LAMA4: variants seen among roughly 807,000 people sequenced by gnomAD.
LAMA4 encodes laminin subunit alpha 4, also known as laminin subunit alpha-4.
LAMA4 carries 127 observed loss-of-function variants against 207.1 expected under a neutral mutation model. The observed-to-expected ratio is 0.61, with a 90% CI of 0.53 to 0.71. The LOEUF (loss-of-function observed/expected upper bound fraction) is 0.71, where lower values mean the gene tolerates loss of function less well. Among genes scored for constraint, LAMA4 ranks in the 30% least tolerant of loss-of-function variants. The pLI is 0.00. For synonymous variants in LAMA4, 761 were observed against 816.0 expected (o/e 0.93, Z 1.15); for missense variants, 2,093 against 2,246.5 (o/e 0.93, Z 1.38).
At position 112,139,315 on chromosome 6, in the gene LAMA4, T is replaced by C. The variant is rs782625004; in HGVS notation, c.3111-24A>G. On this transcript the variant is annotated intron_variant, in intron 23 of 38. Coordinates refer to ENST00000230538, the MANE Select transcript of LAMA4 (RefSeq NM_001105206.3). ...CTCTGAAATGGAAACACAACGGTCA[T>C]TTGAACACTACAGTTTCTGTTATGC... is the stretch of plus-strand genomic sequence containing the variant. 18 of 1,613,326 alleles carry C rather than the reference T, an allele frequency of 1.1e-5. No individual in the cohort carries two copies. In the East Asian group the frequency reaches 3.8e-4, roughly 34 times the overall value.
intron 18 of LAMA4, among the ~76,000 whole-genome samples, 184 bp downstream of exon 18, chr6:112,147,973 T>C (rs912800262): frequency 6.6e-6 from 1 of 152,246 alleles, no homozygotes; most frequent in Non-Finnish European, 1.5e-5. Context: ...TTCTCATATG[T>C]ATTTAGACAG....
At position 112,144,892 on chromosome 6, in the gene LAMA4, G is replaced by A; in HGVS notation, c.2395C>T (p.Leu799Phe). The change falls in exon 19 of 39, where the codon CTT becomes TTT. Residue 799 changes from leucine to phenylalanine, a missense_variant. Coordinates refer to ENST00000230538, the MANE Select transcript of LAMA4 (RefSeq NM_001105206.3). ...GGTCGCTTCTGCTCAACCGTACGAAGCTGATCCAGGAGCTGAGGGACAACC... is the reference window on the plus strand; with the variant it reads ...GGTCGCTTCTGCTCAACCGTACGAAACTGATCCAGGAGCTGAGGGACAACC... ...TEVVPQLLDQ[L>F]RTVEQKRPAS... The A allele has an allele frequency of 6.2e-7, 1 of 1,613,984 alleles. No individual in the cohort carries two copies. Among genetic ancestry groups the A allele is most frequent in the Non-Finnish European group, 8.5e-7 (1 of 1,179,994 alleles).
intron 5 of LAMA4, among the ~76,000 whole-genome samples, chr6:112,193,068 T>C (rs1408576225): frequency 2.0e-5 from 3 of 152,160 alleles, no homozygotes; most frequent in Admixed American, 6.5e-5. Flanking sequence ...TCTAAACTAG[T>C]GTGGAAGATG....
intron 33 of LAMA4, 57 bp downstream of exon 33, chr6:112,120,226 G>T: frequency 7.4e-7 from 1 of 1,356,640 alleles, no homozygotes; most frequent in Non-Finnish European, 1.0e-6. Flanking sequence ...GCCCATTAGT[G>T]TCCATTTGAC....
intron 2 of LAMA4, chr6:112,253,622 A>G: frequency 1.0e-6 from 1 of 955,936 alleles, no homozygotes. Context: ...GTGGCTTGAC[A>G]AAATGACTAC....
intron 18 of LAMA4, among the ~76,000 whole-genome samples, chr6:112,146,923 T>C (rs959603174): frequency 6.6e-6 from 1 of 152,230 alleles, no homozygotes. Context: ...ATGTTAGATA[T>C]TGATTATGGA....
At chr6:112,167,190 T>C (rs1446552584) in intron 12 of LAMA4, among the ~76,000 whole-genome samples, 1 of 152,238 alleles carries the variant, frequency 6.6e-6, no homozygotes, top group Non-Finnish European at 1.5e-5. Flanking sequence ...AATTTGGGGA[T>C]TATTCTTTTC....
intron 12 of LAMA4, among the ~76,000 whole-genome samples, chr6:112,165,514 A>C (rs918423965): frequency 6.6e-6 from 1 of 152,242 alleles, no homozygotes; most frequent in Non-Finnish European, 1.5e-5. Flanking sequence ...GAGGATTATT[A>C]TAACACCGTC....
At chr6:112,142,819 C>T (rs1779784109) in intron 19 of LAMA4, among the ~76,000 whole-genome samples, 1 of 152,210 alleles carries the variant, frequency 6.6e-6, no homozygotes, top group African/African-American at 2.4e-5. Context: ...GGCTCTACCA[C>T]TTCCTAACTA....
In LAMA4 at chr6:112,116,284, T is replaced by C. The variant is rs200540767; in HGVS notation, c.4982-291A>G. On this transcript the variant is annotated intron_variant, in intron 35 of 38. Transcript: ENST00000230538. The stretch of plus-strand genomic sequence containing the variant: ...AATTAATTCCAAGTAGCAGCAGCAC[T>C]ACTGAGTATTTCACAAGTGAGGAGG... Among the ~76,000 whole-genome samples the C allele has an allele frequency of 5.9e-5, 9 of 152,230 alleles. No homozygotes were observed. The East Asian group carries it at 1.7e-3, about 29-fold the overall frequency.
intron 3 of LAMA4, chr6:112,214,078 A>G (rs782189893): frequency 2.1e-5 from 16 of 746,334 alleles, no homozygotes; most frequent in South Asian, 2.0e-4. Flanking sequence ...AGTCTGGGAT[A>G]GCGGCACCAA....
intron 6 of LAMA4, among the ~76,000 whole-genome samples, chr6:112,190,947 CCTTTCTTT>C (rs199702092): frequency 0.013 from 512 of 40,422 alleles, 21 homozygotes; most frequent in East Asian, 0.062. Context: ...TTCTTTCTTT[CCTTTCTTT>C]CTTTCTTTCT....
intron 2 of LAMA4, among the ~76,000 whole-genome samples, chr6:112,244,162 A>G (rs1196405591): frequency 6.6e-6 from 1 of 152,210 alleles, no homozygotes; most frequent in Admixed American, 6.5e-5. Context: ...TCACAAGGTA[A>G]CAGGTCACAA....
chr6:112,124,479 T>G (rs1778560540), intron 31 of LAMA4, among the ~76,000 whole-genome samples: 1 of 152,218 alleles, frequency 6.6e-6, no homozygotes, highest in Non-Finnish European at 1.5e-5. Context: ...CTCTTAGTAA[T>G]GATAAAATAG....
chr6:112,160,583 T>C (rs954575264), intron 13 of LAMA4, among the ~76,000 whole-genome samples: 3 of 152,224 alleles, frequency 2.0e-5, no homozygotes, highest in African/African-American at 7.2e-5. Flanking sequence ...AATCTCCAGA[T>C]CCACTTGACA....
chr6:112,114,830 AC>A, intron 36 of LAMA4, 74 bp from the exon 37 acceptor site: 1 of 1,058,872 alleles, frequency 9.4e-7, no homozygotes, highest in Non-Finnish European at 1.5e-6. Flanking sequence ...TAAATAATTT[AC>A]CACAGTGAAG....
At chr6:112,170,592 A>G (rs1435969122) in intron 12 of LAMA4, among the ~76,000 whole-genome samples, 2 of 152,230 alleles carry the variant, frequency 1.3e-5, no homozygotes, top group Non-Finnish European at 2.9e-5. Flanking sequence ...TGACAAAACT[A>G]CAGGATCCCC....
intron 5 of LAMA4, among the ~76,000 whole-genome samples, chr6:112,195,437 G>A (rs1554350184): frequency 6.6e-6 from 1 of 152,144 alleles, no homozygotes; most frequent in Admixed American, 6.5e-5. Flanking sequence ...AAAACTTGAT[G>A]TCTTCAGAGA....
Position 112,131,053 on chromosome 6 carries a change from C to T in LAMA4, c.3883G>A (p.Val1295Ile), listed in dbSNP as rs1268466538. Residue 1295 changes from valine (V) to isoleucine (I), a missense_variant, in exon 29 of 39, where the codon GTA (valine) becomes ATA (isoleucine). Val to Ile is a conservative substitution (Grantham distance 29). Transcript: ENST00000230538. ...SLDNGTVIMDVKGIKVQSVDK... is the reference protein window; with the variant it reads ...SLDNGTVIMDIKGIKVQSVDK... ...ACTGACTGAACTTTGATTCCCTTTA[C>T]ATCCATGATGACAGTACCATTATCC... 2 of 1,612,906 alleles carry T rather than the reference C, an allele frequency of 1.2e-6. No individual in the cohort carries two copies. Among genetic ancestry groups the T allele is most frequent in the Non-Finnish European group, 1.7e-6 (2 of 1,179,142 alleles).
Sources: gnomAD v4.1 joint callset for allele counts (sites outside exome capture counted in the v4.1 genomes callset) on GRCh38, gnomAD v4.1.1 for gene constraint, MANE v1.5 for transcripts, NCBI Gene and HGNC (gene_info 2026-07-23, HGNC 2026-07-21) for gene names.